CNTN5: variants seen among roughly 807,000 people sequenced by gnomAD.
CNTN5 encodes the protein contactin-5.
A neutral mutation model predicts 129.1 loss-of-function variants in CNTN5; 77 were observed. The ratio of observed to expected loss-of-function variants is 0.60; its 90% confidence interval spans 0.50 to 0.72. CNTN5 has a LOEUF of 0.72. Among genes scored for constraint, CNTN5 ranks in the 30% least tolerant of loss-of-function variants. The pLI is 0.00. For synonymous variants in CNTN5, 509 were observed against 465.6 expected (o/e 1.09, Z -1.20); for missense variants, 1,478 against 1,328.8 (o/e 1.11, Z -1.75).
chr11:99,871,596 A>G (rs545566986), intron 6 of CNTN5, among the ~76,000 whole-genome samples: 1 of 152,178 alleles, frequency 6.6e-6, no homozygotes, highest in Non-Finnish European at 1.5e-5. Context: ...TGATTTATAT[A>G]CATTTATGGC....
chr11:100,250,692 A>C lies in CNTN5; in HGVS notation c.2006-5068A>C, dbSNP rs546282531. ...GAACCATATTTGGGCAAATAGACAA[A>C]TATCAAAAAGAATAAAGAGGATTTA... On this transcript the variant is annotated intron_variant, in intron 16 of 24. Transcript: ENST00000524871. 1.7e-3 allele frequency among the ~76,000 whole-genome samples: 253 copies of C among 152,260 alleles called. 1 individual carries two copies. Among genetic ancestry groups the C allele is most frequent in the African/African-American group, 5.9e-3 (245 of 41,582 alleles).
intron 2 of CNTN5, among the ~76,000 whole-genome samples, chr11:99,509,046 A>G (rs1234126515): frequency 1.3e-5 from 2 of 152,162 alleles, no homozygotes; most frequent in African/African-American, 4.8e-5. Flanking sequence ...AATACCATCT[A>G]ATTTTAAAAA....
chr11:99,599,945 C>T (rs1294525240), intron 3 of CNTN5, among the ~76,000 whole-genome samples: 1 of 151,984 alleles, frequency 6.6e-6, no homozygotes, highest in Non-Finnish European at 1.5e-5. Context: ...ATGGGGTCAT[C>T]TACTTTAAAA....
At chr11:99,473,521 G>A (rs868391600) in intron 2 of CNTN5, among the ~76,000 whole-genome samples, 130 of 151,924 alleles carry the variant, frequency 8.6e-4, no homozygotes, top group African/African-American at 2.8e-3. Context: ...TCTCTTCTAT[G>A]GGAGTTAGAT....
chr11:99,463,464 A>C (rs1023076299), intron 2 of CNTN5, among the ~76,000 whole-genome samples: 2 of 150,146 alleles, frequency 1.3e-5, no homozygotes, highest in East Asian at 3.9e-4. Context: ...AAAAAACAAT[A>C]GAAGAATGAA....
intron 3 of CNTN5, among the ~76,000 whole-genome samples, chr11:99,721,649 T>A (rs1943177457): frequency 1.3e-5 from 2 of 152,042 alleles, no homozygotes; most frequent in South Asian, 4.1e-4. Context: ...TACTTAAACT[T>A]AAGAGTTTCT....
At chr11:99,621,819 A>C (rs1396283202) in intron 3 of CNTN5, among the ~76,000 whole-genome samples, 2 of 152,216 alleles carry the variant, frequency 1.3e-5, no homozygotes, top group Non-Finnish European at 2.9e-5. Flanking sequence ...ATTTGCCCAC[A>C]TAAGTCTAAT....
chr11:99,467,973 T>C (rs1422220064), intron 2 of CNTN5, among the ~76,000 whole-genome samples: 1 of 152,128 alleles, frequency 6.6e-6, no homozygotes, highest in Non-Finnish European at 1.5e-5. Flanking sequence ...ATTTCAGAGA[T>C]CATATTTACC....
intron 15 of CNTN5, among the ~76,000 whole-genome samples, chr11:100,222,293 C>A (rs576651496): frequency 6.6e-6 from 1 of 152,230 alleles, no homozygotes; most frequent in African/African-American, 2.4e-5. Context: ...TAGAGCACTG[C>A]ACACTGTTAA....
At chr11:99,547,686 T>G (rs576336460) in intron 2 of CNTN5, among the ~76,000 whole-genome samples, 1 of 152,366 alleles carries the variant, frequency 6.6e-6, no homozygotes, top group Non-Finnish European at 1.5e-5. Flanking sequence ...AATATTTAAC[T>G]TCAGCCACTT....
At chr11:100,331,810 A>C (rs993182083) in intron 21 of CNTN5, among the ~76,000 whole-genome samples, 1 of 152,146 alleles carries the variant, frequency 6.6e-6, no homozygotes, top group African/African-American at 2.4e-5. Flanking sequence ...ACAACCTATC[A>C]AAACCTCTGA....
chr11:100,242,526 ATGG>A (rs1350918950), intron 16 of CNTN5, among the ~76,000 whole-genome samples: 1 of 152,176 alleles, frequency 6.6e-6, no homozygotes, highest in Admixed American at 6.5e-5. Flanking sequence ...ACTTACAATC[ATGG>A]TGGAATGCAA....
At chr11:99,142,210 C>G (rs1038613646) in intron 1 of CNTN5, among the ~76,000 whole-genome samples, 2 of 152,088 alleles carry the variant, frequency 1.3e-5, no homozygotes, top group South Asian at 4.1e-4. Flanking sequence ...TGTTCTCAGT[C>G]CCCTGGCAAC....
intron 1 of CNTN5, among the ~76,000 whole-genome samples, chr11:99,211,655 C>T (rs565437177): frequency 1.3e-5 from 2 of 151,010 alleles, no homozygotes; most frequent in African/African-American, 2.4e-5. Context: ...TTTTTTCATA[C>T]TTTATCAAAA....
At chr11:100,350,605 C>T in intron 23 of CNTN5, 97 bp from the exon 24 acceptor site, 1 of 850,188 alleles carries the variant, frequency 1.2e-6, no homozygotes, top group Non-Finnish European at 1.8e-6. Flanking sequence ...AAACTGTAAG[C>T]TCCTTGTGCT....
intron 2 of CNTN5, among the ~76,000 whole-genome samples, chr11:99,415,230 G>A (rs1942598119): frequency 6.6e-6 from 1 of 152,082 alleles, no homozygotes; most frequent in Non-Finnish European, 1.5e-5. Flanking sequence ...CCTTCAGATT[G>A]AATAACCTAA....
intron 2 of CNTN5, among the ~76,000 whole-genome samples, chr11:99,414,468 A>C (rs1345163913): frequency 6.6e-6 from 1 of 151,780 alleles, no homozygotes. Context: ...TGTATGCAGA[A>C]TATATATAGA....
chr11:100,070,001 T>TTA (rs1446060762), intron 10 of CNTN5, among the ~76,000 whole-genome samples: 3 of 151,966 alleles, frequency 2.0e-5, no homozygotes, highest in Admixed American at 2.0e-4. Context: ...CATTCAGGTG[T>TTA]TATATATATA....
chr11:100,280,454 A>G (rs1950612064), intron 18 of CNTN5, among the ~76,000 whole-genome samples: 1 of 151,898 alleles, frequency 6.6e-6, no homozygotes, highest in South Asian at 2.1e-4. Context: ...GTCTTCTTAT[A>G]GTTTTTGTCT....
Sources: gnomAD v4.1 joint callset for allele counts (sites outside exome capture counted in the v4.1 genomes callset) on GRCh38, gnomAD v4.1.1 for gene constraint, MANE v1.5 for transcripts, NCBI Gene and HGNC (gene_info 2026-07-23, HGNC 2026-07-21) for gene names.